The following SLC66A2 variants were observed in gnomAD, a reference collection of about 807,000 sequenced individuals.
SLC66A2 encodes PQ loop repeat containing 1.
A neutral mutation model predicts 25.5 loss-of-function variants in SLC66A2; 23 were observed. The ratio of observed to expected loss-of-function variants is 0.90; its 90% CI spans 0.65 to 1.28. The LOEUF (loss-of-function observed/expected upper bound fraction) is 1.28, where lower values mean the gene tolerates loss of function less well. Among genes scored for constraint, SLC66A2 ranks in the 50% most tolerant of loss-of-function variants. The probability of loss-of-function intolerance (pLI) is 0.00; values close to 1 mark genes in which losing one functional copy is unlikely to be tolerated. For synonymous variants in SLC66A2, 193 were observed against 166.5 expected, an observed-to-expected ratio of 1.16 and a Z score of -1.23; for missense variants, 396 against 373.1, an observed-to-expected ratio of 1.06 and a Z score of -0.51.
At chr18:79,910,370 C>T (rs547257125) in intron 5 of SLC66A2, among the ~76,000 whole-genome samples, 1 of 99,522 alleles carries the variant, frequency 1.0e-5, no homozygotes, top group African/African-American at 3.7e-5. Flanking sequence ...GAGTCCCCAA[C>T]CTTCCCCACC....
In SLC66A2 at chr18:79,903,863, A is replaced by G. The variant is rs12928; in HGVS notation, c.*113T>C. ...GAGGCTGATGGAGACCCCAATGCCCATGCCCCATCTCTGCCACACCTGCAG... is the reference window on the plus strand; with the variant it reads ...GAGGCTGATGGAGACCCCAATGCCCGTGCCCCATCTCTGCCACACCTGCAG... On this transcript the variant is annotated 3_prime_UTR_variant, in exon 6 of 6. Coordinates refer to ENST00000397778, the MANE Select transcript of SLC66A2 (RefSeq NM_025078.5). 506,187 of 880,118 alleles carry G rather than the reference A, an allele frequency of 0.58. 151,388 individuals carry two copies. Among genetic ancestry groups the G allele is most frequent in the Admixed American group, 0.66 (23,270 of 35,512 alleles). 54.5% of individuals were successfully genotyped at this position (880,118 alleles called of 1,614,324 possible). A position where few individuals can be genotyped will look rare whatever the true frequency, so the allele number is the denominator to read the frequency against.
rs1987524028 is a variant in SLC66A2, at chr18:79,940,158, C to T, written c.337+3171G>A. Reference sequence around the variant, plus strand: ...GAAGACCAAATGCCGCATGTTCTCACGTGTAAGTGGGAGCTAAATGATGAG... The same window carrying T: ...GAAGACCAAATGCCGCATGTTCTCATGTGTAAGTGGGAGCTAAATGATGAG... On this transcript the variant is annotated intron_variant, in intron 3 of 5. Transcript: ENST00000397778. This position sits in a 1 kb window ranked among gnomAD's most constrained non-coding sequence, Gnocchi z 4.1. Among the ~76,000 whole-genome samples the T allele has an allele frequency of 6.6e-6, 1 of 152,060 alleles. No individual in the cohort carries two copies. Among genetic ancestry groups the T allele is most frequent in the African/African-American group, 2.4e-5 (1 of 41,378 alleles).
intron 2 of SLC66A2, among the ~76,000 whole-genome samples, chr18:79,946,442 T>A (rs544571532): frequency 3.9e-5 from 6 of 152,252 alleles, no homozygotes; most frequent in Non-Finnish European, 8.8e-5. Flanking sequence ...GCACTTTTCC[T>A]CTCCTGCCGG....
intron 4 of SLC66A2, among the ~76,000 whole-genome samples, chr18:79,930,011 GGA>G (rs1986399025): frequency 6.6e-6 from 1 of 151,994 alleles, no homozygotes; most frequent in African/African-American, 2.4e-5. Context: ...ATTGTGGAGA[GGA>G]GAGAGGGGAG....
chr18:79,934,268 A>C (rs1986863298), intron 3 of SLC66A2, among the ~76,000 whole-genome samples: 1 of 152,146 alleles, frequency 6.6e-6, no homozygotes, highest in Non-Finnish European at 1.5e-5. Flanking sequence ...GAATGGGAGA[A>C]AAATTGAGCC....
chr18:79,932,574 C>CA (rs1035186002), intron 4 of SLC66A2, among the ~76,000 whole-genome samples: 1 of 151,504 alleles, frequency 6.6e-6, no homozygotes, highest in Non-Finnish European at 1.5e-5. Flanking sequence ...CTAGACTGAC[C>CA]AAAAAAAGAA....
rs998279022 is a variant in SLC66A2, at chr18:79,927,207, A to T, written c.391+6762T>A. Among the ~76,000 whole-genome samples, 3 of 152,168 alleles carry T rather than the reference A, an allele frequency of 2.0e-5. No homozygotes were observed. Among genetic ancestry groups the T allele is most frequent in the Non-Finnish European group, 4.4e-5 (3 of 68,032 alleles). ...ACGGCCCGGCCACCTGGGAGGGAAC[A>T]AACAGGCACTGCCCAGACCCGGAGC... On this transcript the variant is annotated intron_variant, in intron 4 of 5. Coordinates refer to ENST00000397778, the MANE Select transcript of SLC66A2 (RefSeq NM_025078.5). The surrounding 1 kb of genome is among the most constrained non-coding windows in gnomAD (Gnocchi z 6.2).
chr18:79,935,861 G>A (rs796987823), intron 3 of SLC66A2, among the ~76,000 whole-genome samples: 69 of 152,204 alleles, frequency 4.5e-4, no homozygotes, highest in African/African-American at 1.7e-3. Flanking sequence ...CCTAGCCTTT[G>A]AGCCTCCCCA....
chr18:79,914,564 G>A (rs1360111388), intron 5 of SLC66A2, among the ~76,000 whole-genome samples: 1 of 126,448 alleles, frequency 7.9e-6, no homozygotes, highest in Non-Finnish European at 1.8e-5. Context: ...GCAAAGGGGA[G>A]AGACACCCCC....
At chr18:79,908,641 C>T (rs1176578523) in intron 5 of SLC66A2, among the ~76,000 whole-genome samples, 4 of 152,158 alleles carry the variant, frequency 2.6e-5, no homozygotes, top group Non-Finnish European at 5.9e-5. Flanking sequence ...GCTCAGATGA[C>T]AGAATATTAG....
At chr18:79,935,254 G>A (rs1300274203) in intron 3 of SLC66A2, 1 of 152,452 alleles carries the variant, frequency 6.6e-6, no homozygotes, top group Middle Eastern at 3.4e-3. Context: ...TGGGGAAGAA[G>A]ACATGGTTCA....
chr18:79,939,515 T>C (rs557332869), intron 3 of SLC66A2, among the ~76,000 whole-genome samples: 1 of 152,296 alleles, frequency 6.6e-6, no homozygotes, highest in Non-Finnish European at 1.5e-5. Flanking sequence ...ATCCAGCAAC[T>C]ATAAGGAACT....
At chr18:79,923,836 C>A (rs1246105453) in intron 4 of SLC66A2, among the ~76,000 whole-genome samples, 1 of 152,054 alleles carries the variant, frequency 6.6e-6, no homozygotes, top group Non-Finnish European at 1.5e-5. Flanking sequence ...TCACTTGAGT[C>A]CAGGAGGTCT....
At position 79,906,831 on chromosome 18, in the gene SLC66A2, C is replaced by A. The variant is rs139718918; in HGVS notation, c.609-2648G>T. 5.9e-5 allele frequency among the ~76,000 whole-genome samples: 9 copies of A among 152,332 alleles called. No individual in the cohort carries two copies. In the East Asian group the frequency reaches 1.7e-3, roughly 29 times the overall value. ...CTGTCAGTTCTGACCTTATGGACTTCCAGGCTCTGGGGTTCCATGCATACA... is the reference window on the plus strand; with the variant it reads ...CTGTCAGTTCTGACCTTATGGACTTACAGGCTCTGGGGTTCCATGCATACA... On this transcript the variant is annotated intron_variant, in intron 5 of 5. Transcript: ENST00000397778.
At chr18:79,907,883 A>C (rs906334823) in intron 5 of SLC66A2, among the ~76,000 whole-genome samples, 6 of 152,178 alleles carry the variant, frequency 3.9e-5, no homozygotes, top group African/African-American at 1.4e-4. Context: ...TCAAAGTATC[A>C]ATAGTGCTGC....
chr18:79,951,091 C>T, intron 1 of SLC66A2, 66 bp from the exon 2 acceptor site: 1 of 388,002 alleles, frequency 2.6e-6, no homozygotes, highest in Non-Finnish European at 4.2e-6. Context: ...ACGGACCCGA[C>T]CCGACCCGCG....
chr18:79,951,272 C>T (rs1209491080), intron 1 of SLC66A2, among the ~76,000 whole-genome samples: 1 of 151,632 alleles, frequency 6.6e-6, no homozygotes, highest in East Asian at 2.0e-4. Flanking sequence ...GGGGTCACCG[C>T]CCGGGTGCGC....
chr18:79,951,079 G>T (rs1444585791), intron 1 of SLC66A2, 54 bp from the exon 2 acceptor site: 21 of 475,298 alleles, frequency 4.4e-5, no homozygotes, highest in Non-Finnish European at 2.3e-5. Context: ...GGGGCGGCGC[G>T]CACGGACCCG....
intron 4 of SLC66A2, among the ~76,000 whole-genome samples, chr18:79,928,008 C>T (rs1039939530): frequency 7.9e-5 from 12 of 152,160 alleles, no homozygotes; most frequent in Non-Finnish European, 1.0e-4. Context: ...CTGACATCTC[C>T]GGGCCCCTCA....
Sources: gnomAD v4.1 joint callset for allele counts (sites outside exome capture counted in the v4.1 genomes callset) on GRCh38, gnomAD v4.1.1 for gene constraint, Gnocchi (gnomAD v3.1) non-coding constraint, MANE v1.5 for transcripts, NCBI Gene and HGNC (gene_info 2026-07-23, HGNC 2026-07-21) for gene names.